The following SLC44A5 variants were observed in gnomAD, a reference collection of about 807,000 sequenced individuals.
SLC44A5 encodes the protein choline transporter-like protein 5.
SLC44A5 carries 57 observed loss-of-function variants against 101.8 expected under a neutral mutation model. The ratio of observed to expected loss-of-function variants is 0.56; its 90% CI spans 0.45 to 0.70. The LOEUF is 0.70. Ranked by LOEUF, SLC44A5 falls within the 30% of genes least tolerant of loss-of-function variation. The pLI, the probability that SLC44A5 is intolerant of heterozygous loss-of-function variation, is 0.00. For missense variants in SLC44A5, 737 were observed against 853.1 expected, an observed-to-expected ratio of 0.86 and a Z score of 1.70; for synonymous variants, 281 against 290.9, an observed-to-expected ratio of 0.97 and a Z score of 0.35.
chr1:75,434,447 G>A (rs1664777858), intron 2 of SLC44A5, among the ~76,000 whole-genome samples: 1 of 152,068 alleles, frequency 6.6e-6, no homozygotes, highest in Non-Finnish European at 1.5e-5. Flanking sequence ...TCTGAGAGTA[G>A]AAATGTCTTA....
the SLC44A5 span, among the ~76,000 whole-genome samples, chr1:75,683,715 C>A: frequency 1.3e-5 from 2 of 151,720 alleles, no homozygotes; most frequent in East Asian, 3.9e-4. Flanking sequence ...ATGTAACTAA[C>A]CTGCACAATG....
intron 2 of SLC44A5, among the ~76,000 whole-genome samples, chr1:75,489,735 A>G (rs539164748): frequency 6.6e-6 from 1 of 152,340 alleles, no homozygotes; most frequent in South Asian, 2.1e-4. Flanking sequence ...GATACTGACA[A>G]AAAATAAGTA....
intron 1 of SLC44A5, among the ~76,000 whole-genome samples, chr1:75,570,074 C>G (rs1471669265): frequency 6.6e-6 from 1 of 152,196 alleles, no homozygotes; most frequent in Non-Finnish European, 1.5e-5. Flanking sequence ...CCAATTCCTA[C>G]TAGTCATTTG....
chr1:75,535,747 G>A (rs1234075122), intron 2 of SLC44A5, among the ~76,000 whole-genome samples: 1 of 152,132 alleles, frequency 6.6e-6, no homozygotes, highest in African/African-American at 2.4e-5. Context: ...AATCAGAGAT[G>A]GCTTCCCCTG....
chr1:75,304,284 T>G lies in SLC44A5; in HGVS notation c.102-3599A>C, dbSNP rs1013713870. 1.4e-4 allele frequency among the ~76,000 whole-genome samples: 16 copies of G among 115,498 alleles called. 1 individual carries two copies. The South Asian group carries it at 4.4e-3, about 32-fold the overall frequency. The allele number at this position is 115,498 out of a possible 152,430, so 75.8% of individuals were successfully genotyped here. On this transcript the variant is annotated intron_variant, in intron 4 of 23. Transcript: ENST00000370859. Reference sequence around the variant, plus strand: ...ATTCACTTTATTGTTTTAGAAAAATTTTTAAATAGGTGTGTGTGTGTGTGT... The same window carrying G: ...ATTCACTTTATTGTTTTAGAAAAATGTTTAAATAGGTGTGTGTGTGTGTGT...
chr1:75,250,326 G>A (rs879759921), intron 7 of SLC44A5, among the ~76,000 whole-genome samples: 4 of 152,100 alleles, frequency 2.6e-5, no homozygotes, highest in South Asian at 2.1e-4. Context: ...TGCGAGGGAC[G>A]TGACCTTGTT....
intron 3 of SLC44A5, among the ~76,000 whole-genome samples, chr1:75,353,544 A>C (rs1658842829): frequency 6.6e-6 from 1 of 152,208 alleles, no homozygotes; most frequent in African/African-American, 2.4e-5. Context: ...GCTATGAACA[A>C]ATAATGAAAT....
chr1:75,598,345 C>T (rs1477215302), intron 1 of SLC44A5, among the ~76,000 whole-genome samples: 1 of 152,032 alleles, frequency 6.6e-6, no homozygotes, highest in Non-Finnish European at 1.5e-5. Context: ...ATTAGTTCAA[C>T]CATTGTGGAA....
At chr1:75,675,657 G>A in the SLC44A5 span, among the ~76,000 whole-genome samples, 3 of 152,120 alleles carry the variant, frequency 2.0e-5, no homozygotes, top group Non-Finnish European at 4.4e-5. Flanking sequence ...AAGATTTCAT[G>A]ACAAAAACAT....
At chr1:75,686,320 G>A in the SLC44A5 span, among the ~76,000 whole-genome samples, 1 of 152,168 alleles carries the variant, frequency 6.6e-6, no homozygotes, top group Non-Finnish European at 1.5e-5. Context: ...TGGAATATTA[G>A]GAGTAAGTGG....
intron 5 of SLC44A5, among the ~76,000 whole-genome samples, chr1:75,281,798 G>A (rs1005223643): frequency 2.6e-5 from 4 of 152,138 alleles, no homozygotes; most frequent in African/African-American, 9.7e-5. Context: ...TCCTGTGGGT[G>A]CACAGAAGAC....
the SLC44A5 span, among the ~76,000 whole-genome samples, chr1:75,705,984 G>A: frequency 6.6e-6 from 1 of 152,198 alleles, no homozygotes; most frequent in Middle Eastern, 3.4e-3. Flanking sequence ...AGCCTCATCA[G>A]CTTTTGACTT....
At chr1:75,526,294 T>A (rs1322835658) in intron 2 of SLC44A5, among the ~76,000 whole-genome samples, 1 of 152,220 alleles carries the variant, frequency 6.6e-6, no homozygotes, top group African/African-American at 2.4e-5. Flanking sequence ...AATCAGTAAC[T>A]AACTTCCTTC....
chr1:75,710,399 T>A, the SLC44A5 span: 2 of 151,304 alleles, frequency 1.3e-5, no homozygotes, highest in East Asian at 3.9e-4. Flanking sequence ...CTACAAAAAC[T>A]TTAAAAATTA....
chr1:75,658,252 T>C, the SLC44A5 span, among the ~76,000 whole-genome samples: 1 of 152,056 alleles, frequency 6.6e-6, no homozygotes, highest in Non-Finnish European at 1.5e-5. Flanking sequence ...TTTTCTATTT[T>C]TTTTGTAGAG....
chr1:75,712,554 G>A, the SLC44A5 span, among the ~76,000 whole-genome samples: 1 of 152,036 alleles, frequency 6.6e-6, no homozygotes, highest in African/African-American at 2.4e-5. Flanking sequence ...CATTGGCAAG[G>A]CTGACAAAGC....
At chr1:75,248,011 T>G (rs1649262319) in intron 7 of SLC44A5, among the ~76,000 whole-genome samples, 2 of 151,932 alleles carry the variant, frequency 1.3e-5, no homozygotes, top group African/African-American at 4.8e-5. Flanking sequence ...GAAATAACAG[T>G]AGTGAACAAA....
At chr1:75,463,605 G>A (rs1218004177) in intron 2 of SLC44A5, among the ~76,000 whole-genome samples, 1 of 151,926 alleles carries the variant, frequency 6.6e-6, no homozygotes, top group African/African-American at 2.4e-5. Flanking sequence ...GTATATATCT[G>A]GTGAAAATAT....
chr1:75,546,822 T>C (rs1290466249), intron 1 of SLC44A5, among the ~76,000 whole-genome samples: 3 of 152,018 alleles, frequency 2.0e-5, no homozygotes, highest in Non-Finnish European at 2.9e-5. Flanking sequence ...AAGTGTGTAT[T>C]ATGAAAAAAA....
Sources: allele counts gnomAD v4.1 joint callset (sites outside exome capture counted in the v4.1 genomes callset), GRCh38; gene constraint gnomAD v4.1.1; transcripts MANE v1.5; gene names NCBI Gene and HGNC (gene_info 2026-07-23, HGNC 2026-07-21).